PDE4B: variants seen among roughly 807,000 people sequenced by gnomAD.
PDE4B encodes 3',5'-cyclic-AMP phosphodiesterase 4B.
Under a neutral mutation model 82.2 loss-of-function variants are expected in PDE4B, and 20 were observed. That is an observed-to-expected ratio of 0.24 (90% CI 0.17 to 0.35). The LOEUF (loss-of-function observed/expected upper bound fraction) is 0.35, where lower values mean the gene tolerates loss of function less well. Among genes scored for constraint, PDE4B ranks in the 10% least tolerant of loss-of-function variants. The pLI, the probability that PDE4B is intolerant of heterozygous loss-of-function variation, is 1.00. For missense variants in PDE4B, 655 were observed against 907.2 expected, an observed-to-expected ratio of 0.72 and a Z score of 3.57; for synonymous variants, 320 against 318.9, an observed-to-expected ratio of 1.00 and a Z score of -0.04.
intron 1 of PDE4B, among the ~76,000 whole-genome samples, chr1:65,893,295 A>G (rs1646872106): frequency 6.6e-6 from 1 of 152,106 alleles, no homozygotes; most frequent in Non-Finnish European, 1.5e-5. Flanking sequence ...ATAAGAAAAA[A>G]CAGAGTTGGT....
intron 3 of PDE4B, among the ~76,000 whole-genome samples, chr1:66,195,180 G>A (rs1189181513): frequency 3.3e-5 from 5 of 152,128 alleles, no homozygotes; most frequent in Admixed American, 6.6e-5. Context: ...AGCGAACTCA[G>A]ATGTGACCAA....
chr1:65,927,052 T>C (rs1272727514), intron 3 of PDE4B, among the ~76,000 whole-genome samples: 2 of 151,998 alleles, frequency 1.3e-5, no homozygotes, highest in African/African-American at 2.4e-5. Flanking sequence ...AGGGAGACTT[T>C]TTCAGAGAAA....
chr1:65,866,301 A>G (rs1225169921), intron 1 of PDE4B, among the ~76,000 whole-genome samples: 1 of 152,070 alleles, frequency 6.6e-6, no homozygotes, highest in Non-Finnish European at 1.5e-5. Flanking sequence ...AACACCAAAA[A>G]CCCCTGAACA....
intron 7 of PDE4B, among the ~76,000 whole-genome samples, chr1:66,268,667 C>CAAAAAAAAAAAAAAA (rs36046564): frequency 3.3e-5 from 2 of 61,234 alleles, no homozygotes; most frequent in African/African-American, 7.2e-5. Context: ...GACTCCATCT[C>CAAAAAAAAAAAAAAA]AAAAAAAAAA....
intron 3 of PDE4B, among the ~76,000 whole-genome samples, chr1:65,958,721 G>A (rs1337699845): frequency 6.8e-6 from 1 of 146,470 alleles, no homozygotes; most frequent in East Asian, 2.1e-4. Flanking sequence ...TTAGTATGTT[G>A]GTATAATGTG....
intron 3 of PDE4B, among the ~76,000 whole-genome samples, chr1:66,019,336 A>C (rs965889956): frequency 6.7e-6 from 1 of 149,970 alleles, no homozygotes; most frequent in Non-Finnish European, 1.5e-5. Flanking sequence ...ATTATTTAGA[A>C]AATTATTATT....
chr1:66,359,375 C>T (rs148982447), intron 9 of PDE4B, among the ~76,000 whole-genome samples: 160 of 152,312 alleles, frequency 1.1e-3, no homozygotes, highest in African/African-American at 3.8e-3. Context: ...AATGTAAATT[C>T]ACTCAGTGTT....
intron 3 of PDE4B, among the ~76,000 whole-genome samples, chr1:66,110,646 A>G (rs1339151965): frequency 6.6e-6 from 1 of 152,078 alleles, no homozygotes; most frequent in East Asian, 1.9e-4. Context: ...AGCTGGGTAA[A>G]CTTGGGAATG....
chr1:66,228,391 A>G (rs555037797), intron 3 of PDE4B, among the ~76,000 whole-genome samples: 191 of 152,158 alleles, frequency 1.3e-3, no homozygotes, highest in African/African-American at 4.2e-3. Flanking sequence ...TTGGGAGGCC[A>G]AGGCGGGCGG....
At chr1:65,975,266 G>A (rs775656080) in intron 3 of PDE4B, among the ~76,000 whole-genome samples, 1 of 152,224 alleles carries the variant, frequency 6.6e-6, no homozygotes, top group Non-Finnish European at 1.5e-5. Context: ...GTGGAACTTT[G>A]AACTTGAGAG....
chr1:66,022,438 TG>T (rs2100771759), intron 3 of PDE4B, among the ~76,000 whole-genome samples: 2 of 152,332 alleles, frequency 1.3e-5, no homozygotes, highest in Non-Finnish European at 2.9e-5. Context: ...ATATTGGCTG[TG>T]GGTTTGTCAT....
intron 1 of PDE4B, among the ~76,000 whole-genome samples, chr1:65,899,253 A>T (rs563510086): frequency 6.6e-6 from 1 of 152,196 alleles, no homozygotes; most frequent in Non-Finnish European, 1.5e-5. Context: ...AATGCAAATT[A>T]AAACCACAAT....
chr1:65,870,960 A>G (rs1646566084), intron 1 of PDE4B, among the ~76,000 whole-genome samples: 1 of 152,172 alleles, frequency 6.6e-6, no homozygotes, highest in South Asian at 2.1e-4. Context: ...CAAGTGCCAA[A>G]ATTAGAGGAA....
At chr1:66,071,845 CTT>C (rs1024478617) in intron 3 of PDE4B, among the ~76,000 whole-genome samples, 11 of 152,014 alleles carry the variant, frequency 7.2e-5, no homozygotes. Flanking sequence ...CTGAAAAGCC[CTT>C]TTGTTTTCTT....
intron 3 of PDE4B, among the ~76,000 whole-genome samples, chr1:66,224,612 A>G (rs1305123588): frequency 2.0e-5 from 3 of 152,144 alleles, no homozygotes; most frequent in African/African-American, 7.2e-5. Flanking sequence ...CCAGCTACTC[A>G]GGAGGCTGAG....
chr1:66,209,561 A>G (rs1649857480), intron 3 of PDE4B, among the ~76,000 whole-genome samples: 1 of 152,228 alleles, frequency 6.6e-6, no homozygotes, highest in Non-Finnish European at 1.5e-5. Context: ...TGAAATGCAC[A>G]TGTTTTAAGT....
chr1:66,218,933 T>G (rs548115668), intron 3 of PDE4B, among the ~76,000 whole-genome samples: 1 of 152,142 alleles, frequency 6.6e-6, no homozygotes, highest in African/African-American at 2.4e-5. Context: ...GTTTTGTTTA[T>G]AGAAAAAAAT....
At chr1:66,036,521 T>C (rs547621409) in intron 3 of PDE4B, among the ~76,000 whole-genome samples, 58 of 152,312 alleles carry the variant, frequency 3.8e-4, no homozygotes, top group African/African-American at 1.3e-3. Flanking sequence ...AGAGTCCATT[T>C]TGGTTCTTCT....
At chr1:65,981,565 A>G (rs956601400) in intron 3 of PDE4B, among the ~76,000 whole-genome samples, 7 of 150,510 alleles carry the variant, frequency 4.7e-5, no homozygotes, top group African/African-American at 1.7e-4. Context: ...TTTTTGCAAT[A>G]AAGTATAGTG....
Sources: allele counts gnomAD v4.1 joint callset (sites outside exome capture counted in the v4.1 genomes callset), GRCh38; gene constraint gnomAD v4.1.1; transcripts MANE v1.5; gene names NCBI Gene and HGNC (gene_info 2026-07-23, HGNC 2026-07-21).